NTM: variants seen among roughly 807,000 people sequenced by gnomAD.
The protein encoded by NTM is neurotrimin.
Under a neutral mutation model 42.1 loss-of-function variants are expected in NTM, and 13 were observed. The ratio of observed to expected loss-of-function variants is 0.31; its 90% confidence interval spans 0.20 to 0.49. The LOEUF is 0.49. NTM is among the 20% of genes least tolerant of loss of function. The probability of loss-of-function intolerance (pLI) is 0.99; values close to 1 mark genes in which losing one functional copy is unlikely to be tolerated. For missense variants in NTM, 373 were observed against 452.8 expected, an observed-to-expected ratio of 0.82 and a Z score of 1.60; for synonymous variants, 187 against 179.2, an observed-to-expected ratio of 1.04 and a Z score of -0.35.
chr11:131,813,822 G>A (rs958932266), intron 1 of NTM, among the ~76,000 whole-genome samples: 1 of 151,108 alleles, frequency 6.6e-6, no homozygotes, highest in Admixed American at 6.6e-5. Context: ...AGAGACCCGG[G>A]TTCTAACTTC....
chr11:131,932,478 T>A (rs930459462), intron 2 of NTM, among the ~76,000 whole-genome samples: 1 of 152,246 alleles, frequency 6.6e-6, no homozygotes, highest in Non-Finnish European at 1.5e-5. Flanking sequence ...TTGTACATGC[T>A]GTATTGGAAA....
At chr11:131,626,559 C>T (rs1349034017) in intron 1 of NTM, among the ~76,000 whole-genome samples, 2 of 152,186 alleles carry the variant, frequency 1.3e-5, no homozygotes, top group Non-Finnish European at 2.9e-5. Flanking sequence ...CTTTAAAATA[C>T]TGGTCTTGCA....
chr11:131,695,780 GCAACCCCATGGGTAGGATTAT>G (rs2075371954), intron 1 of NTM, among the ~76,000 whole-genome samples: 1 of 152,106 alleles, frequency 6.6e-6, no homozygotes, highest in Admixed American at 6.5e-5. Context: ...AATCCTTAAG[GCAACCCCATGGGTAGGATTAT>G]CATCCCAATA....
chr11:131,908,969 T>C (rs1259998670), intron 1 of NTM, among the ~76,000 whole-genome samples: 3 of 152,242 alleles, frequency 2.0e-5, no homozygotes. Flanking sequence ...TTGATAGTTT[T>C]GGTGTTATAT....
intron 1 of NTM, among the ~76,000 whole-genome samples, chr11:131,591,833 C>G (rs778113708): frequency 6.6e-6 from 1 of 152,196 alleles, no homozygotes; most frequent in African/African-American, 2.4e-5. Flanking sequence ...AAATGCACTT[C>G]CCTGTGTCTA....
intron 1 of NTM, among the ~76,000 whole-genome samples, chr11:131,882,596 C>T (rs1263853261): frequency 2.0e-5 from 3 of 152,210 alleles, no homozygotes; most frequent in Non-Finnish European, 2.9e-5. Flanking sequence ...GTGCTAAATA[C>T]TGCTCTCTTT....
At chr11:131,605,030 A>G (rs1482692060) in intron 1 of NTM, among the ~76,000 whole-genome samples, 1 of 151,550 alleles carries the variant, frequency 6.6e-6, no homozygotes, top group Non-Finnish European at 1.5e-5. Flanking sequence ...TTTCAAAACT[A>G]TTGTGTCTAT....
chr11:132,222,287 G>A (rs1174269217), intron 4 of NTM, among the ~76,000 whole-genome samples: 1 of 152,168 alleles, frequency 6.6e-6, no homozygotes, highest in Non-Finnish European at 1.5e-5. Flanking sequence ...GCACAGGACG[G>A]ACACAGCCTC....
intron 1 of NTM, among the ~76,000 whole-genome samples, chr11:131,387,456 A>G (rs541537957): frequency 6.6e-6 from 1 of 152,338 alleles, no homozygotes; most frequent in Admixed American, 6.5e-5. Context: ...TTCCTGCAGG[A>G]TCAGGACAGT....
chr11:131,894,880 A>G (rs753658979), intron 1 of NTM, among the ~76,000 whole-genome samples: 3 of 152,292 alleles, frequency 2.0e-5, no homozygotes, highest in East Asian at 1.9e-4. Context: ...CAATCCTAAG[A>G]CAATGTTCTG....
chr11:132,334,653 G>A (rs2095855136), intron 8 of NTM, among the ~76,000 whole-genome samples: 1 of 152,160 alleles, frequency 6.6e-6, no homozygotes, highest in South Asian at 2.1e-4. Context: ...GCAGTGCTCA[G>A]AAGTGGATGG....
intron 1 of NTM, among the ~76,000 whole-genome samples, chr11:131,882,622 C>G (rs554069017): frequency 6.6e-6 from 1 of 152,182 alleles, no homozygotes; most frequent in African/African-American, 2.4e-5. Flanking sequence ...CGGAGTATCT[C>G]GTGAAGAGAG....
In NTM at chr11:132,335,505, A is replaced by G. The variant is rs1316293953; in HGVS notation, c.*359A>G. On this transcript the variant is annotated 3_prime_UTR_variant, in exon 9 of 9. Transcript: ENST00000683400. The stretch of plus-strand genomic sequence containing the variant: ...CTGCCCACAGAGTGCCCCCACGTGG[A>G]ACATTCTGGAGCTGGCCATCCCAAA... 1 of 249,842 alleles carries G rather than the reference A, an allele frequency of 4.0e-6. No homozygotes were observed. The highest frequency in any genetic ancestry group is 2.3e-5 in the African/African-American group (1 of 43,326). The allele number at this position is 249,842 out of a possible 1,614,324, so 15.5% of individuals were successfully genotyped here.
intron 1 of NTM, among the ~76,000 whole-genome samples, chr11:131,697,111 G>C (rs927140566): frequency 6.6e-6 from 1 of 152,168 alleles, no homozygotes; most frequent in Admixed American, 6.5e-5. Flanking sequence ...TAATTGTCAG[G>C]CTCTTTGCTT....
At chr11:131,751,717 A>G (rs893339375) in intron 1 of NTM, among the ~76,000 whole-genome samples, 1 of 151,860 alleles carries the variant, frequency 6.6e-6, no homozygotes, top group Non-Finnish European at 1.5e-5. Flanking sequence ...CCAAGATGGC[A>G]CTGCTGCACT....
At chr11:131,849,989 T>C (rs2045352381) in intron 1 of NTM, among the ~76,000 whole-genome samples, 1 of 150,442 alleles carries the variant, frequency 6.6e-6, no homozygotes, top group East Asian at 1.9e-4. Flanking sequence ...ATAATAATAA[T>C]AATAATAAGA....
intron 1 of NTM, among the ~76,000 whole-genome samples, chr11:131,688,805 C>T (rs756502624): frequency 3.3e-5 from 5 of 152,200 alleles, no homozygotes; most frequent in Non-Finnish European, 7.3e-5. Context: ...CATTTTGAAA[C>T]AGAAACTAGG....
intron 1 of NTM, among the ~76,000 whole-genome samples, chr11:131,696,974 G>C (rs1329618043): frequency 6.6e-6 from 1 of 152,188 alleles, no homozygotes; most frequent in Admixed American, 6.5e-5. Context: ...CTGAAGACAA[G>C]AACCCGTTTC....
intron 3 of NTM, among the ~76,000 whole-genome samples, chr11:132,169,651 A>G (rs1341234296): frequency 6.6e-6 from 1 of 151,946 alleles, no homozygotes; most frequent in Non-Finnish European, 1.5e-5. Context: ...TACTTCTTGA[A>G]TACTTCTTAG....
Sources: allele counts gnomAD v4.1 joint callset (sites outside exome capture counted in the v4.1 genomes callset), GRCh38; gene constraint gnomAD v4.1.1; transcripts MANE v1.5; gene names NCBI Gene and HGNC (gene_info 2026-07-23, HGNC 2026-07-21).